IGF2BP3: variants seen among roughly 807,000 people sequenced by gnomAD.
IGF2BP3 encodes insulin like growth factor 2 mRNA binding protein 3, also known as insulin-like growth factor 2 mRNA-binding protein 3.
Under a neutral mutation model 73.8 loss-of-function variants are expected in IGF2BP3, and 9 were observed. The ratio of observed to expected loss-of-function variants is 0.12; its 90% CI spans 0.07 to 0.21. IGF2BP3 has a LOEUF of 0.21. IGF2BP3 is among the 10% of genes least tolerant of loss of function. The pLI, the probability that IGF2BP3 is intolerant of heterozygous loss-of-function variation, is 1.00. For synonymous variants in IGF2BP3, 258 were observed against 256.7 expected, an observed-to-expected ratio of 1.01 and a Z score of -0.05; for missense variants, 542 against 714.0, an observed-to-expected ratio of 0.76 and a Z score of 2.75.
chr7:23,342,741 T>C (rs535914998), intron 9 of IGF2BP3, among the ~76,000 whole-genome samples: 2 of 152,154 alleles, frequency 1.3e-5, no homozygotes, highest in Non-Finnish European at 2.9e-5. Flanking sequence ...GGTATTTTAA[T>C]TTGTTTAATT....
At position 23,342,297 on chromosome 7, in the gene IGF2BP3, A is replaced by G. The variant is rs546303496; in HGVS notation, c.1078-108T>C. ...TGATCTCTTGTCTAATAAAGAAATG[A>G]TTGTATAACTCAAAGCAGATGTTCC... On this transcript the variant is annotated intron_variant, in intron 9 of 14. Coordinates refer to ENST00000258729, the MANE Select transcript of IGF2BP3 (RefSeq NM_006547.3). The G allele has an allele frequency of 7.5e-5, 91 of 1,219,704 alleles. No homozygotes were observed. In the South Asian group the frequency reaches 1.1e-3, roughly 15 times the overall value. 75.6% of individuals were successfully genotyped at this position (1,219,704 alleles called of 1,614,324 possible).
At chr7:23,414,314 G>C (rs935131708) in intron 3 of IGF2BP3, 7 of 152,220 alleles carry the variant, frequency 4.6e-5, no homozygotes, top group African/African-American at 1.7e-4. Flanking sequence ...CAGAGAACTT[G>C]AGGAATCCCC....
intron 10 of IGF2BP3, among the ~76,000 whole-genome samples, chr7:23,326,184 A>G (rs1784290028): frequency 6.6e-6 from 1 of 152,244 alleles, no homozygotes. Context: ...AAGGGTTAAT[A>G]TCCAGAATCT....
At position 23,403,827 on chromosome 7, in the gene IGF2BP3, C is replaced by CT. The variant is rs576071592; in HGVS notation, c.285+14948dup. Reference sequence around the variant, plus strand: ...AGAATATAACAAGAAGAGAATCCATCTAGAGAGGTACTTGGCCAGGCACGG... The same window carrying CT: ...AGAATATAACAAGAAGAGAATCCATCTTAGAGAGGTACTTGGCCAGGCACGG... On this transcript the variant is annotated intron_variant, in intron 3 of 14. Coordinates refer to ENST00000258729, the MANE Select transcript of IGF2BP3 (RefSeq NM_006547.3). Among the ~76,000 whole-genome samples, 313 of 152,078 alleles carry CT rather than the reference C, an allele frequency of 2.1e-3. 2 individuals are homozygous for CT. The highest frequency in any genetic ancestry group is 7.2e-3 in the African/African-American group (297 of 41,472).
chr7:23,380,148 AC>A (rs1436744173), intron 3 of IGF2BP3, among the ~76,000 whole-genome samples: 1 of 145,304 alleles, frequency 6.9e-6, no homozygotes, highest in African/African-American at 2.6e-5. Flanking sequence ...GAGACTGCCC[AC>A]TATGCCTCTT....
chr7:23,415,687 G>A (rs964639510), intron 3 of IGF2BP3: 1 of 165,286 alleles, frequency 6.1e-6, no homozygotes, highest in East Asian at 1.9e-4. Flanking sequence ...TAGCCAAGGA[G>A]CTCCCATGGC....
At chr7:23,462,601 A>T (rs1444599345) in intron 2 of IGF2BP3, among the ~76,000 whole-genome samples, 1 of 152,116 alleles carries the variant, frequency 6.6e-6, no homozygotes, top group Non-Finnish European at 1.5e-5. Context: ...TGACCTCGTG[A>T]TCCACCCACC....
intron 3 of IGF2BP3, among the ~76,000 whole-genome samples, chr7:23,398,740 G>A (rs1786562378): frequency 6.6e-6 from 1 of 152,118 alleles, no homozygotes; most frequent in Non-Finnish European, 1.5e-5. Flanking sequence ...CATATCCTTT[G>A]CCCACTTTTT....
At chr7:23,358,741 T>G (rs1183499014) in intron 5 of IGF2BP3, among the ~76,000 whole-genome samples, 2 of 152,212 alleles carry the variant, frequency 1.3e-5, no homozygotes, top group Non-Finnish European at 2.9e-5. Context: ...TAAAAGCTTA[T>G]TAGAAAACTG....
At chr7:23,380,733 G>A (rs1785884141) in intron 3 of IGF2BP3, among the ~76,000 whole-genome samples, 1 of 152,138 alleles carries the variant, frequency 6.6e-6, no homozygotes, top group African/African-American at 2.4e-5. Flanking sequence ...CTTTTAAGAG[G>A]GAAATTTGGA....
At position 23,468,521 on chromosome 7, in the gene IGF2BP3, T is replaced by C. The variant is rs1788623648; in HGVS notation, c.197A>G (p.Lys66Arg). The change falls in exon 2 of 15, where the codon AAA (lysine) becomes AGA (arginine). Residue 66 changes from lysine (K) to arginine (R), a missense_variant. Lys to Arg is a conservative substitution (Grantham distance 26). Transcript: ENST00000258729. ...ALSGKIELHG[K>R]PIEVEHSVPK... ...GACCGAGTGCTCAACTTCTATGGGT[T>C]TCCCGTGCAGTTCTATTTTACCTGC... 1.9e-6 allele frequency: 3 copies of C among 1,614,196 alleles called. No homozygotes were observed. In the Admixed American group the frequency reaches 5.0e-5, roughly 27 times the overall value.
rs1184011991 is a variant in IGF2BP3 at position 23,363,871 on chromosome 7, T to C, written c.286-2130A>G. Among the ~76,000 whole-genome samples the C allele has an allele frequency of 3.3e-5, 5 of 152,228 alleles. No individual in the cohort carries two copies. The South Asian group carries it at 6.2e-4, about 19-fold the overall frequency. On this transcript the variant is annotated intron_variant, in intron 3 of 14. Transcript: ENST00000258729. The stretch of plus-strand genomic sequence containing the variant: ...TGATGTTGATCACAGACACATTTTA[T>C]AAACGCCAAAAATTAAGAAACCTCT...
At position 23,311,727 on chromosome 7, in the gene IGF2BP3, CATT is replaced by C. The variant is rs34414305; in HGVS notation, c.*632_*634del. On this transcript the variant is annotated 3_prime_UTR_variant, in exon 15 of 15. Coordinates refer to ENST00000258729, the MANE Select transcript of IGF2BP3 (RefSeq NM_006547.3). The stretch of plus-strand genomic sequence containing the variant: ...TTTTAAAAAACGGTTGGACTTCTAT[CATT>C]ATAAAGTATATAAAATTTTCAAAAA... 34,025 of 152,350 alleles carry C rather than the reference CATT, an allele frequency of 0.22. 4,825 individuals carry two copies. The highest frequency in any genetic ancestry group is 0.34 in the Middle Eastern group (98 of 292). 9.4% of individuals were successfully genotyped at this position (152,350 alleles called of 1,614,324 possible). A position where few individuals can be genotyped will look rare whatever the true frequency, so the allele number is the denominator to read the frequency against.
At chr7:23,451,628 T>A (rs1788200319) in intron 2 of IGF2BP3, among the ~76,000 whole-genome samples, 1 of 152,044 alleles carries the variant, frequency 6.6e-6, no homozygotes. Context: ...TATCATTCCT[T>A]ATAACTGCTA....
At chr7:23,321,696 G>T (rs1488442666) in intron 10 of IGF2BP3, among the ~76,000 whole-genome samples, 1 of 152,196 alleles carries the variant, frequency 6.6e-6, no homozygotes, top group Non-Finnish European at 1.5e-5. Context: ...GAAGAGAGCA[G>T]TGGTTCTCCC....
At chr7:23,404,006 G>A (rs903235885) in intron 3 of IGF2BP3, among the ~76,000 whole-genome samples, 45 of 151,698 alleles carry the variant, frequency 3.0e-4, no homozygotes, top group African/African-American at 1.1e-3. Context: ...GGGCACAGCG[G>A]TATGTGCCTG....
In IGF2BP3 at chr7:23,380,846, C is replaced by G. The variant is rs994561585; in HGVS notation, c.286-19105G>C. On this transcript the variant is annotated intron_variant, in intron 3 of 14. Transcript: ENST00000258729. ...AAAGATTGGGCACAGCCACTAGAGGCTAGGAGGAAGTCTTGCCAGCACCCG... is the reference window on the plus strand; with the variant it reads ...AAAGATTGGGCACAGCCACTAGAGGGTAGGAGGAAGTCTTGCCAGCACCCG... Among the ~76,000 whole-genome samples the G allele has an allele frequency of 2.0e-5, 3 of 152,210 alleles. No individual in the cohort carries two copies. In the East Asian group the frequency reaches 5.8e-4, roughly 29 times the overall value.
chr7:23,422,845 G>T (rs1787389149), intron 2 of IGF2BP3, among the ~76,000 whole-genome samples: 1 of 152,194 alleles, frequency 6.6e-6, no homozygotes, highest in Non-Finnish European at 1.5e-5. Context: ...ACCCAGGCTG[G>T]AGTATAGTAG....
At chr7:23,318,907 T>C (rs1371291626) in intron 11 of IGF2BP3, among the ~76,000 whole-genome samples, 1 of 152,196 alleles carries the variant, frequency 6.6e-6, no homozygotes, top group Non-Finnish European at 1.5e-5. Flanking sequence ...TCCAAGGACT[T>C]GGTGGGGGCA....
Sources: allele counts gnomAD v4.1 joint callset (sites outside exome capture counted in the v4.1 genomes callset), GRCh38; gene constraint gnomAD v4.1.1; transcripts MANE v1.5; gene names NCBI Gene and HGNC (gene_info 2026-07-23, HGNC 2026-07-21).